Variants in MED4 observed in about 807,000 individuals in gnomAD.
MED4 encodes the protein mediator of RNA polymerase II transcription subunit 4.
In MED4, 21 loss-of-function variants were observed where a neutral mutation model predicts 35.0. The observed-to-expected ratio is 0.60, with a 90% confidence interval of 0.43 to 0.86. MED4 has a LOEUF of 0.86. Among genes scored for constraint, MED4 ranks in the 40% least tolerant of loss-of-function variants. The probability of loss-of-function intolerance (pLI) is 0.00; values close to 1 mark genes in which losing one functional copy is unlikely to be tolerated. For synonymous variants in MED4, 138 were observed against 114.0 expected (o/e 1.21, Z -1.34); for missense variants, 300 against 319.4 (o/e 0.94, Z 0.46).
At position 48,081,696 on chromosome 13, in the gene MED4, G is replaced by A. The variant is rs1451905849; in HGVS notation, c.457C>T (p.His153Tyr). The A allele has an allele frequency of 6.2e-7, 1 of 1,611,678 alleles. No individual in the cohort carries two copies. The highest frequency in any genetic ancestry group is 1.3e-5 in the African/African-American group (1 of 74,820). ...ISSEEIIKYA[H>Y]RISASNAVCA... ...ACAGCATTACTTGCACTGATCCTAT[G>A]TGCATACTTAATTATTTCTTCAGAG... The change falls in exon 5 of 7, where the codon CAT becomes TAT. Residue 153 changes from histidine (H) to tyrosine (Y), a missense_variant. By Grantham distance (83) the His-to-Tyr change is moderately conservative. Transcript: ENST00000258648.
At chr13:48,083,219 A>G in intron 4 of MED4, 152 bp downstream of exon 4, 1 of 552,138 alleles carries the variant, frequency 1.8e-6, no homozygotes, top group Non-Finnish European at 3.0e-6. Flanking sequence ...CACAAAACCC[A>G]GCACAATGCT....
chr13:48,083,565 G>T, intron 3 of MED4, 137 bp from the exon 4 acceptor site: 1 of 598,450 alleles, frequency 1.7e-6, no homozygotes. Context: ...TATTTGTAAT[G>T]TTCTGAAATA....
intron 3 of MED4, 61 bp from the exon 4 acceptor site, chr13:48,083,489 T>C: frequency 7.0e-7 from 1 of 1,430,222 alleles, no homozygotes; most frequent in Non-Finnish European, 9.7e-7. Context: ...ACTTAGTTTT[T>C]GGCTTAATTC....
At chr13:48,080,754 T>A (rs1457283123) in intron 5 of MED4, among the ~76,000 whole-genome samples, 1 of 150,034 alleles carries the variant, frequency 6.7e-6, no homozygotes, top group East Asian at 2.0e-4. Flanking sequence ...TTTTTTTTTT[T>A]ACATTTTTCA....
chr13:48,081,284 T>A (rs1950806339), intron 5 of MED4, among the ~76,000 whole-genome samples: 2 of 152,238 alleles, frequency 1.3e-5, no homozygotes, highest in South Asian at 4.1e-4. Context: ...TTTCTCAGGC[T>A]GGAACCTTTG....
chr13:48,083,732 T>G (rs895007177), intron 3 of MED4, among the ~76,000 whole-genome samples: 3 of 152,202 alleles, frequency 2.0e-5, no homozygotes, highest in African/African-American at 7.2e-5. Flanking sequence ...ACACCCAGAC[T>G]ATGGACGACC....
rs368415222 is a variant in MED4 at position 48,075,971 on chromosome 13, T to C, written c.*1168A>G. 1.3e-5 allele frequency: 2 copies of C among 152,210 alleles called. No homozygotes were observed. The highest frequency in any genetic ancestry group is 2.4e-5 in the African/African-American group (1 of 41,458). 9.4% of individuals were successfully genotyped at this position (152,210 alleles called of 1,614,324 possible). On this transcript the variant is annotated 3_prime_UTR_variant, in exon 7 of 7. Transcript: ENST00000258648. ...AGGAAAAAATGATGGAAAAATGGAA[T>C]TCTCAGTTCATTTGAAGAATACAGA...
chr13:48,094,481 T>C (rs966976005), intron 1 of MED4, among the ~76,000 whole-genome samples: 1 of 152,178 alleles, frequency 6.6e-6, no homozygotes, highest in Non-Finnish European at 1.5e-5. Context: ...GGCGAGCTCA[T>C]GCTTCCCAAG....
In MED4 at chr13:48,077,163, T is replaced by G. The variant is rs201953613; in HGVS notation, c.789A>C (p.Ser263=). Residue 263 remains serine, a synonymous_variant, in exon 7 of 7, where the codon TCA becomes TCC. Coordinates refer to ENST00000258648, the MANE Select transcript of MED4 (RefSeq NM_014166.4). Reference sequence around the variant, plus strand: ...TTCAATCAGACTCACTACTACTGCTTGAGGAGTCCGTTGACATAATCTCTA... The same window carrying G: ...TTCAATCAGACTCACTACTACTGCTGGAGGAGTCCGTTGACATAATCTCTA... ...DDVEIMSTDS[S]SSSSESD The G allele has an allele frequency of 5.0e-6, 8 of 1,610,020 alleles. No homozygotes were observed. Among genetic ancestry groups the G allele is most frequent in the Non-Finnish European group, 6.8e-6 (8 of 1,178,628 alleles).
At chr13:48,078,185 A>G (rs1356075661) in intron 6 of MED4, among the ~76,000 whole-genome samples, 1 of 152,216 alleles carries the variant, frequency 6.6e-6, no homozygotes, top group African/African-American at 2.4e-5. Flanking sequence ...TCAAATAAAG[A>G]AGGCAGATTT....
chr13:48,082,700 G>C (rs551142679), intron 4 of MED4, among the ~76,000 whole-genome samples: 1 of 152,102 alleles, frequency 6.6e-6, no homozygotes, highest in Non-Finnish European at 1.5e-5. Context: ...GGTGGCGGGC[G>C]CCTGTAGTCC....
intron 3 of MED4, among the ~76,000 whole-genome samples, chr13:48,085,042 G>A (rs1286140112): frequency 6.6e-6 from 1 of 151,352 alleles, no homozygotes; most frequent in African/African-American, 2.4e-5. Context: ...AAATTTTTTT[G>A]TATTTTTAGT....
intron 3 of MED4, 39 bp from the exon 4 acceptor site, chr13:48,083,467 C>T: frequency 6.4e-7 from 1 of 1,559,720 alleles, no homozygotes; most frequent in South Asian, 1.1e-5. Context: ...GTTTATTCTT[C>T]AACTATATCA....
At chr13:48,082,758 C>T (rs556322876) in intron 4 of MED4, among the ~76,000 whole-genome samples, 44 of 151,498 alleles carry the variant, frequency 2.9e-4, no homozygotes, top group African/African-American at 9.0e-4. Flanking sequence ...ACCCGGGAGG[C>T]GGAGCTTGCA....
chr13:48,088,789 CCTTT>C (rs1214967314), intron 2 of MED4, among the ~76,000 whole-genome samples: 3 of 152,198 alleles, frequency 2.0e-5, no homozygotes, highest in South Asian at 2.1e-4. Context: ...TCGTTAAGAT[CCTTT>C]CTAATTCTAA....
intron 3 of MED4, among the ~76,000 whole-genome samples, chr13:48,084,994 G>A (rs1182064181): frequency 6.6e-6 from 1 of 151,846 alleles, no homozygotes; most frequent in Non-Finnish European, 1.5e-5. Context: ...AGCCTCCCAA[G>A]TACCTGAGAT....
At chr13:48,080,544 A>AAAAAGAGATGTCATTTTTTTGTAGAC (rs1950800165) in intron 5 of MED4, among the ~76,000 whole-genome samples, 1 of 152,058 alleles carries the variant, frequency 6.6e-6, no homozygotes, top group Admixed American at 6.6e-5. Flanking sequence ...CACTTTAAAA[A>AAAAAGAGATGTCATTTTTTTGTAGAC]AAAAGAGATG....
In MED4 at chr13:48,094,968, C is replaced by T. The variant is rs1387410736; in HGVS notation, c.111G>A (p.Leu37=). 1.9e-6 allele frequency: 3 copies of T among 1,603,706 alleles called. No individual in the cohort carries two copies. The highest frequency in any genetic ancestry group is 8.5e-7 in the Non-Finnish European group (1 of 1,179,782). ...CGCCGCATTACCTAGACAGGACCTC[C>T]AAGTCCTCAAGCGCAGACAGCAGCC... is the stretch of plus-strand genomic sequence containing the variant. ...RERLLSALED[L]EVLSRELIEM... Residue 37 remains leucine, a synonymous_variant, in exon 1 of 7, where the codon TTG becomes TTA. Transcript: ENST00000258648.
intron 3 of MED4, among the ~76,000 whole-genome samples, chr13:48,086,054 G>A (rs1198864190): frequency 3.3e-5 from 5 of 151,730 alleles, no homozygotes; most frequent in Non-Finnish European, 7.4e-5. Flanking sequence ...AAATCTTTAA[G>A]CATCGAAAAT....
Sources: allele counts gnomAD v4.1 joint callset (sites outside exome capture counted in the v4.1 genomes callset), GRCh38; gene constraint gnomAD v4.1.1; transcripts MANE v1.5; gene names NCBI Gene and HGNC (gene_info 2026-07-23, HGNC 2026-07-21).